The following TRPC5 variants were observed in gnomAD, a reference collection of about 807,000 sequenced individuals.
TRPC5 encodes the protein transient receptor potential cation channel subfamily C member 5, also known as short transient receptor potential channel 5.
A neutral mutation model predicts 56.5 loss-of-function variants in TRPC5; 9 were observed. That is an observed-to-expected ratio of 0.16 (90% confidence interval 0.10 to 0.28). The LOEUF (loss-of-function observed/expected upper bound fraction) is 0.28, where lower values mean the gene tolerates loss of function less well. Ranked by LOEUF, TRPC5 falls within the 10% of genes least tolerant of loss-of-function variation. The probability of loss-of-function intolerance (pLI) is 1.00; values close to 1 mark genes in which losing one functional copy is unlikely to be tolerated. For missense variants in TRPC5, 469 were observed against 748.9 expected (o/e 0.63, Z 4.36); for synonymous variants, 282 against 278.5 (o/e 1.01, Z -0.13).
intron 1 of TRPC5, among the ~76,000 whole-genome samples, chrX:112,018,620 T>C (rs6655165): frequency 0.017 from 1,929 of 112,736 alleles, 34 homozygotes; most frequent in African/African-American, 0.059. Flanking sequence ...CAGGCCTTGA[T>C]GGTTAAAAGG....
intron 1 of TRPC5, among the ~76,000 whole-genome samples, chrX:112,015,896 G>A (rs960256823): frequency 5.4e-5 from 6 of 111,362 alleles, no homozygotes; most frequent in Non-Finnish European, 7.5e-5. Context: ...GTAGAGCTTG[G>A]GCGTCTTTGC....
chrX:111,964,003 G>A (rs376308342), intron 1 of TRPC5, among the ~76,000 whole-genome samples: 1 of 111,922 alleles, frequency 8.9e-6, no homozygotes, highest in South Asian at 3.8e-4. Context: ...AGAGAGGAAG[G>A]CTTCAGACGA....
intron 1 of TRPC5, among the ~76,000 whole-genome samples, chrX:111,970,812 C>T (rs57138238): frequency 0.085 from 8,782 of 103,106 alleles, 875 homozygotes; most frequent in African/African-American, 0.26. Context: ...CTCTGTCGCC[C>T]AGGCTGGAGT....
chrX:111,803,537 T>C (rs892505849), intron 7 of TRPC5, among the ~76,000 whole-genome samples: 1 of 111,795 alleles, frequency 8.9e-6, no homozygotes, highest in Admixed American at 9.5e-5. Flanking sequence ...GACTCTTTAA[T>C]GATTCTAACT....
chrX:111,944,501 G>A (rs1926883409), intron 2 of TRPC5, among the ~76,000 whole-genome samples: 1 of 110,500 alleles, frequency 9.0e-6, no homozygotes, highest in African/African-American at 3.3e-5. Context: ...GAGTATAGTG[G>A]GTTGAACTGT....
intron 3 of TRPC5, among the ~76,000 whole-genome samples, chrX:111,909,371 T>C (rs1322416726): frequency 6.4e-5 from 7 of 108,917 alleles, no homozygotes; most frequent in African/African-American, 2.3e-4. Flanking sequence ...AATTAATTAA[T>C]TTTTTAAGTG....
At chrX:111,832,292 C>T (rs901456160) in intron 7 of TRPC5, among the ~76,000 whole-genome samples, 2 of 112,018 alleles carry the variant, frequency 1.8e-5, no homozygotes, top group African/African-American at 6.5e-5. Flanking sequence ...GAGCTTAACC[C>T]TTCAAGGGAT....
chrX:111,995,590 G>A (rs1470389303), intron 1 of TRPC5, among the ~76,000 whole-genome samples: 1 of 110,934 alleles, frequency 9.0e-6, no homozygotes, highest in East Asian at 2.8e-4. Context: ...AATCCATCTG[G>A]TCCTGGACTT....
intron 1 of TRPC5, among the ~76,000 whole-genome samples, chrX:111,975,742 A>C (rs1229309140): frequency 1.8e-5 from 2 of 111,505 alleles, no homozygotes; most frequent in East Asian, 5.7e-4. Context: ...TAAAAATACA[A>C]AAAAGAAAAA....
chrX:111,864,306 T>G (rs1923488194), intron 3 of TRPC5, among the ~76,000 whole-genome samples: 1 of 112,382 alleles, frequency 8.9e-6, no homozygotes, highest in South Asian at 3.7e-4. Context: ...CTAATTCGTT[T>G]TCTATGTTGC....
intron 1 of TRPC5, among the ~76,000 whole-genome samples, chrX:111,990,677 G>A (rs1928330963): frequency 9.0e-6 from 1 of 110,849 alleles, no homozygotes. Context: ...AAGCAAAGAT[G>A]TTCTCTTCAG....
intron 2 of TRPC5, among the ~76,000 whole-genome samples, chrX:111,950,067 G>A (rs1480669991): frequency 2.7e-5 from 3 of 111,774 alleles, no homozygotes; most frequent in East Asian, 2.8e-4. Context: ...GCTCACGCCT[G>A]TAATCCCAGC....
chrX:111,876,657 A>T (rs12009410), intron 3 of TRPC5, among the ~76,000 whole-genome samples: 10,946 of 110,980 alleles, frequency 0.099, 1,284 homozygotes, highest in African/African-American at 0.33. Context: ...TGACTTCCAG[A>T]TGATTCTGTT....
At position 111,779,091 on chromosome X, in the gene TRPC5, TGAA is replaced by T. The variant is rs750566976; in HGVS notation, c.2143-20_2143-18del. 1.8e-6 allele frequency: 2 copies of T among 1,126,943 alleles called. No individual in the cohort carries two copies. Among genetic ancestry groups the T allele is most frequent in the South Asian group, 3.9e-5 (2 of 51,754 alleles). The allele number at this position is 1,126,943 out of a possible 1,213,427, so 92.9% of individuals were successfully genotyped here. A position where few individuals can be genotyped will look rare whatever the true frequency, so the allele number is the denominator to read the frequency against. ...GATAACTTCCTGGAATTACAAAACA[TGAA>T]GAAGCATTCAGTCTCCTTCTCAGGC... On this transcript the variant is annotated intron_variant, in intron 9 of 10. Coordinates refer to ENST00000262839, the MANE Select transcript of TRPC5 (RefSeq NM_012471.3).
chrX:111,854,902 C>T (rs575546670), intron 3 of TRPC5, among the ~76,000 whole-genome samples: 6 of 111,697 alleles, frequency 5.4e-5, no homozygotes, highest in East Asian at 2.8e-4. Flanking sequence ...TGTATACTAA[C>T]CCAGCTGGGA....
At chrX:111,970,730 C>G (rs1325334392) in intron 1 of TRPC5, among the ~76,000 whole-genome samples, 1 of 109,700 alleles carries the variant, frequency 9.1e-6, no homozygotes, top group Non-Finnish European at 1.9e-5. Flanking sequence ...GTAGTCCCAG[C>G]TCTGCCACTA....
At position 111,912,620 on chromosome X, in the gene TRPC5, G is replaced by A. The variant is rs747458007; in HGVS notation, c.571C>T (p.Arg191Cys). Residue 191 changes from arginine (R) to cysteine (C), a missense_variant, in exon 3 of 11, where the codon CGC becomes TGC. By Grantham distance (180) the Arg-to-Cys change is radical. Transcript: ENST00000262839. Reference protein sequence around the residue: ...CVSSSEVDSLRHSRSRLNIYK... With the variant: ...CVSSSEVDSLCHSRSRLNIYK... Reference sequence around the variant, plus strand: ...ATGTTCAGTCGGGAGCGAGAGTGGCGCAGGCTGTCTACCTCTGAACTAGAC... The same window carrying A: ...ATGTTCAGTCGGGAGCGAGAGTGGCACAGGCTGTCTACCTCTGAACTAGAC... 7 of 1,209,205 alleles carry A rather than the reference G, an allele frequency of 5.8e-6. No homozygotes were observed. Among genetic ancestry groups the A allele is most frequent in the Non-Finnish European group, 7.8e-6 (7 of 895,076 alleles).
intron 7 of TRPC5, among the ~76,000 whole-genome samples, chrX:111,787,563 C>T (rs1476926908): frequency 1.1e-5 from 1 of 94,344 alleles, no homozygotes; most frequent in African/African-American, 4.2e-5. Context: ...GATCAGAGCA[C>T]AACTGAAAGT....
intron 3 of TRPC5, among the ~76,000 whole-genome samples, chrX:111,872,181 T>G (rs1461415836): frequency 8.9e-6 from 1 of 112,445 alleles, no homozygotes; most frequent in African/African-American, 3.2e-5. Context: ...CAGCTATTTT[T>G]TATTAGCAAC....
Sources: allele counts gnomAD v4.1 joint callset (sites outside exome capture counted in the v4.1 genomes callset), GRCh38; gene constraint gnomAD v4.1.1; transcripts MANE v1.5; gene names NCBI Gene and HGNC (gene_info 2026-07-23, HGNC 2026-07-21).